Variants in KNTC1 observed in about 807,000 individuals in gnomAD.
KNTC1 encodes kinetochore associated 1.
In KNTC1, 253 loss-of-function variants were observed where a neutral mutation model predicts 314.4. The ratio of observed to expected loss-of-function variants is 0.80; its 90% confidence interval spans 0.73 to 0.89. The LOEUF is 0.89. KNTC1 is among the 40% of genes least tolerant of loss of function. KNTC1 has a pLI of 0.00. For missense variants in KNTC1, 2,475 were observed against 2,572.9 expected (o/e 0.96, Z 0.82); for synonymous variants, 901 against 901.4 (o/e 1.00, Z 0.01).
At chr12:122,570,247 A>C (rs929102513) in intron 22 of KNTC1, among the ~76,000 whole-genome samples, 12 of 152,096 alleles carry the variant, frequency 7.9e-5, no homozygotes, top group African/African-American at 2.9e-4. Context: ...GCCTGGGTGC[A>C]GTGACTCACG....
chr12:122,563,072 G>A (rs1964090600), intron 20 of KNTC1, among the ~76,000 whole-genome samples: 1 of 151,934 alleles, frequency 6.6e-6, no homozygotes, highest in Non-Finnish European at 1.5e-5. Flanking sequence ...GTCATAACAG[G>A]TATAGCAGTC....
At position 122,579,970 on chromosome 12, in the gene KNTC1, T is replaced by A; in HGVS notation, c.2907T>A (p.Ile969=). The A allele has an allele frequency of 6.2e-7, 1 of 1,603,542 alleles. No individual in the cohort carries two copies. The highest frequency in any genetic ancestry group is 2.2e-5 in the East Asian group (1 of 44,834). The change falls in exon 32 of 64, where the codon ATT becomes ATA. Residue 969 remains isoleucine (I), a synonymous_variant. Transcript: ENST00000333479. ...SVDILKILCD[I]QKDNLQKKDE... is the part of the protein sequence containing the mutation. ...ACATTCTTAAGATACTATGTGACATTCAGAAAGGTAGCTTTTACTTCTGTT... is the reference window on the plus strand; with the variant it reads ...ACATTCTTAAGATACTATGTGACATACAGAAAGGTAGCTTTTACTTCTGTT...
Position 122,539,571 on chromosome 12 carries a change from G to T in KNTC1, c.367-105G>T, listed in dbSNP as rs1962122820. The T allele has an allele frequency of 7.6e-6, 6 of 794,044 alleles. No homozygotes were observed. In the South Asian group the frequency reaches 1.2e-4, roughly 15 times the overall value. The allele number at this position is 794,044 out of a possible 1,614,324, so 49.2% of individuals were successfully genotyped here. ...AAGTAAGATGTTTAGAATATAGGCAGAATTATTGCTAATGATAATTGATAA... is the reference window on the plus strand; with the variant it reads ...AAGTAAGATGTTTAGAATATAGGCATAATTATTGCTAATGATAATTGATAA... On this transcript the variant is annotated intron_variant, in intron 4 of 63. Transcript: ENST00000333479.
In KNTC1 at chr12:122,621,946, C is replaced by T; in HGVS notation, c.6345C>T (p.Gly2115=). ...AATTGGAAGAGCATATGAACACGGG[C>T]CAGCTAGCAGGATTTTCACATCAAG... ...LKQLEEHMNT[G]QLAGFSHQIR... is the part of the protein sequence containing the mutation. The change falls in exon 61 of 64, where the codon GGC becomes GGT. Residue 2115 remains glycine, a synonymous_variant. Transcript: ENST00000333479. The T allele has an allele frequency of 6.2e-7, 1 of 1,607,922 alleles. No homozygotes were observed. Among genetic ancestry groups the T allele is most frequent in the East Asian group, 2.2e-5 (1 of 44,818 alleles).
intron 51 of KNTC1, among the ~76,000 whole-genome samples, chr12:122,606,322 A>T (rs1872590026): frequency 7.0e-6 from 1 of 143,848 alleles, no homozygotes; most frequent in South Asian, 2.2e-4. Context: ...GGTTCAAGAG[A>T]TTCTCCCTCC....
rs377336279 is a variant in KNTC1 at position 122,620,543 on chromosome 12, C to G, written c.6214C>G (p.Pro2072Ala). 7.4e-6 allele frequency: 12 copies of G among 1,613,458 alleles called. No individual in the cohort carries two copies. The highest frequency in any genetic ancestry group is 4.0e-5 in the African/African-American group (3 of 74,896). ...CAGGCAGTATATCCAGTTAGAACTT[C>G]CGGCTTTTGCATTAGCTTGTCTGAT... ...VARQYIQLELPAFALACLMLM... is the reference protein window; with the variant it reads ...VARQYIQLELAAFALACLMLM... Residue 2072 changes from proline (P) to alanine (A), a missense_variant, in exon 60 of 64, where the codon CCG (proline) becomes GCG (alanine). Coordinates refer to ENST00000333479, the MANE Select transcript of KNTC1 (RefSeq NM_014708.6).
intron 24 of KNTC1, 83 bp from the exon 25 acceptor site, chr12:122,572,854 A>G (rs564314222): frequency 1.7e-6 from 2 of 1,157,228 alleles, no homozygotes; most frequent in South Asian, 3.1e-5. Context: ...GTTAATTCTT[A>G]TTTTATCTGA....
Position 122,546,690 on chromosome 12 carries a change from C to G in KNTC1, c.816+16C>G. On this transcript the variant is annotated intron_variant, in intron 10 of 63. Transcript: ENST00000333479. The stretch of plus-strand genomic sequence containing the variant: ...TGATACTGATGTATGTTTCTTGTTT[C>G]TCCTTCAATGTTTTTACTTGATATG... 6.6e-7 allele frequency: 1 copy of G among 1,509,114 alleles called. No homozygotes were observed. 93.5% of individuals were successfully genotyped at this position (1,509,114 alleles called of 1,614,324 possible). A position where few individuals can be genotyped will look rare whatever the true frequency, so the allele number is the denominator to read the frequency against.
At chr12:122,537,150 C>A (rs1229519063) in intron 3 of KNTC1, among the ~76,000 whole-genome samples, 2 of 152,198 alleles carry the variant, frequency 1.3e-5, no homozygotes, top group African/African-American at 4.8e-5. Context: ...CCTTGGCCTT[C>A]TTGCTTTTGC....
intron 62 of KNTC1, 49 bp downstream of exon 62, chr12:122,622,656 C>A (rs1432541071): frequency 7.0e-7 from 1 of 1,436,730 alleles, no homozygotes; most frequent in Non-Finnish European, 9.3e-7. Context: ...TCCTTAAAAT[C>A]TATCTTTATA....
At position 122,620,548 on chromosome 12, in the gene KNTC1, T is replaced by A. The variant is rs764673739; in HGVS notation, c.6219T>A (p.Ala2073=). Residue 2073 remains alanine, a synonymous_variant, in exon 60 of 64, where the codon GCT becomes GCA. Coordinates refer to ENST00000333479, the MANE Select transcript of KNTC1 (RefSeq NM_014708.6). ...ARQYIQLELP[A]FALACLMLMP... Reference sequence around the variant, plus strand: ...AGTATATCCAGTTAGAACTTCCGGCTTTTGCATTAGCTTGTCTGATGCTCA... The same window carrying A: ...AGTATATCCAGTTAGAACTTCCGGCATTTGCATTAGCTTGTCTGATGCTCA... 3 of 1,613,646 alleles carry A rather than the reference T, an allele frequency of 1.9e-6. No individual in the cohort carries two copies. The highest frequency in any genetic ancestry group is 8.5e-7 in the Non-Finnish European group (1 of 1,179,688).
rs866060584 is a variant in KNTC1, at chr12:122,617,321, G to C, written c.6031-1022G>C. The stretch of plus-strand genomic sequence containing the variant: ...GCTTGATTATTCTCCAGAATATGTG[G>C]TAAAATATACCTGAAGTTACTTAAC... On this transcript the variant is annotated intron_variant, in intron 57 of 63. Transcript: ENST00000333479. 6.5e-5 allele frequency: 25 copies of C among 387,004 alleles called. No homozygotes were observed. In the Middle Eastern group the frequency reaches 1.4e-3, roughly 22 times the overall value. 24.0% of individuals were successfully genotyped at this position (387,004 alleles called of 1,614,324 possible). A position where few individuals can be genotyped will look rare whatever the true frequency, so the allele number is the denominator to read the frequency against.
intron 44 of KNTC1, among the ~76,000 whole-genome samples, chr12:122,601,104 A>T (rs1175724194): frequency 5.3e-5 from 8 of 151,730 alleles, no homozygotes; most frequent in Non-Finnish European, 8.8e-5. Context: ...TATTTTTGAG[A>T]TGGAGTCTCG....
At chr12:122,542,373 A>G (rs187289796) in intron 6 of KNTC1, among the ~76,000 whole-genome samples, 11 of 152,332 alleles carry the variant, frequency 7.2e-5, no homozygotes, top group Non-Finnish European at 1.3e-4. Context: ...ATAAGCTTCA[A>G]CAGTTTAGTT....
chr12:122,545,664 A>T (rs559533525), intron 8 of KNTC1, among the ~76,000 whole-genome samples: 5 of 152,164 alleles, frequency 3.3e-5, no homozygotes, highest in African/African-American at 1.2e-4. Flanking sequence ...TTAAATATTT[A>T]TGTGAAGGCT....
At position 122,580,648 on chromosome 12, in the gene KNTC1, T is replaced by TTA; in HGVS notation, c.2961_2962dup (p.Lys988IlefsTer26). The TTA allele has an allele frequency of 5.1e-6, 8 of 1,571,090 alleles. No homozygotes were observed. The highest frequency in any genetic ancestry group is 6.9e-6 in the Non-Finnish European group (8 of 1,156,008). ...GAATGTGAAGAAATGTTGAAACTAT[T>TTA]TAAAGAGGTTGCTAGCTTACAGGTA... On this transcript the variant is annotated frameshift_variant, in exon 33 of 64. Transcript: ENST00000333479. LOFTEE classifies it high-confidence loss of function.
intron 61 of KNTC1, among the ~76,000 whole-genome samples, 161 bp from the exon 62 acceptor site, chr12:122,622,301 C>T (rs1027458484): frequency 2.0e-5 from 3 of 152,056 alleles, no homozygotes; most frequent in African/African-American, 4.8e-5. Context: ...TTTTTACCCC[C>T]TCAAAAAGGA....
intron 8 of KNTC1, among the ~76,000 whole-genome samples, chr12:122,545,384 G>T (rs1031875471): frequency 1.3e-5 from 2 of 151,970 alleles, no homozygotes; most frequent in Non-Finnish European, 2.9e-5. Context: ...CTTCACTGCG[G>T]CCTGGCAACA....
chr12:122,580,774 A>G, intron 33 of KNTC1, 104 bp downstream of exon 33: 1 of 634,206 alleles, frequency 1.6e-6, no homozygotes, highest in Non-Finnish European at 2.7e-6. Flanking sequence ...TACCCCTGTA[A>G]TCCCAGCACT....
Sources: gnomAD v4.1 joint callset for allele counts (sites outside exome capture counted in the v4.1 genomes callset) on GRCh38, gnomAD v4.1.1 for gene constraint, MANE v1.5 for transcripts, NCBI Gene and HGNC (gene_info 2026-07-23, HGNC 2026-07-21) for gene names.